NEIL2: variants seen among roughly 807,000 people sequenced by gnomAD.
NEIL2 encodes nei like DNA glycosylase 2.
A neutral mutation model predicts 22.2 loss-of-function variants in NEIL2; 23 were observed. The observed-to-expected ratio is 1.04, with a 90% CI of 0.75 to 1.47. NEIL2 has a LOEUF of 1.47. Ranked by LOEUF, NEIL2 falls within the 40% of genes most tolerant of loss-of-function variation. The pLI is 0.00. For synonymous variants in NEIL2, 229 were observed against 164.8 expected (o/e 1.39, Z -2.99); for missense variants, 583 against 404.7 (o/e 1.44, Z -3.78).
intron 2 of NEIL2, among the ~76,000 whole-genome samples, chr8:11,776,153 C>A (rs1803888474): frequency 2.0e-5 from 3 of 152,300 alleles, no homozygotes; most frequent in South Asian, 4.1e-4. Context: ...TCTGGGGAGT[C>A]CTCATAATCA....
At chr8:11,770,663 C>T (rs2010629) in intron 1 of NEIL2, among the ~76,000 whole-genome samples, 19,422 of 152,166 alleles carry the variant, frequency 0.13, 1,550 homozygotes, top group Middle Eastern at 0.24. Context: ...GGTGGTTAGG[C>T]AGCTGCCCCG....
intron 2 of NEIL2, among the ~76,000 whole-genome samples, chr8:11,775,219 ATCTAGGTGGAGGTTTCCAAACCTCCAT>A (rs1803804865): frequency 6.6e-6 from 1 of 152,216 alleles, no homozygotes. Flanking sequence ...ATCCTCAGAA[ATCTAGGTGGAGGTTTCCAAACCTCCAT>A]TCTTAACTTC....
intron 2 of NEIL2, among the ~76,000 whole-genome samples, chr8:11,775,541 T>G (rs1362113382): frequency 6.6e-6 from 1 of 152,200 alleles, no homozygotes; most frequent in Non-Finnish European, 1.5e-5. Flanking sequence ...TGGTTAGCAT[T>G]TGACTCCTAG....
At chr8:11,779,447 A>G in intron 2 of NEIL2, 151 bp from the exon 3 acceptor site, 1 of 722,940 alleles carries the variant, frequency 1.4e-6, no homozygotes. Flanking sequence ...CCACTGGAGC[A>G]AAAGAGCAAA....
intron 2 of NEIL2, among the ~76,000 whole-genome samples, chr8:11,779,375 T>G (rs8191604): frequency 0.22 from 33,673 of 152,190 alleles, 3,957 homozygotes; most frequent in Middle Eastern, 0.33. Flanking sequence ...TGGGTGTGTT[T>G]CACTGCCAAC....
chr8:11,772,481 C>T (rs1368562964), intron 2 of NEIL2, among the ~76,000 whole-genome samples: 1 of 152,234 alleles, frequency 6.6e-6, no homozygotes, highest in Non-Finnish European at 1.5e-5. Flanking sequence ...CCTGGTCTTC[C>T]AGCTTCCACT....
chr8:11,771,956 G>C (rs183957915), intron 2 of NEIL2, among the ~76,000 whole-genome samples: 44 of 152,262 alleles, frequency 2.9e-4, no homozygotes, highest in African/African-American at 1.1e-3. Context: ...TGTAATCCCA[G>C]CACTTTGGGA....
At chr8:11,777,043 C>T (rs1803962845) in intron 2 of NEIL2, among the ~76,000 whole-genome samples, 1 of 152,194 alleles carries the variant, frequency 6.6e-6, no homozygotes, top group Non-Finnish European at 1.5e-5. Flanking sequence ...TGGGCACACC[C>T]TGTCTCCTCT....
chr8:11,776,481 C>G (rs1007369947), intron 2 of NEIL2, among the ~76,000 whole-genome samples: 16 of 152,220 alleles, frequency 1.1e-4, no homozygotes, highest in African/African-American at 3.9e-4. Context: ...TCTTTGACTT[C>G]TATGGATAAT....
rs1218241536 is a variant in NEIL2, at chr8:11,771,587, T to C, written c.138+2T>C. The C allele has an allele frequency of 6.2e-7, 1 of 1,613,348 alleles. No individual in the cohort carries two copies. The highest frequency in any genetic ancestry group is 1.7e-5 in the Admixed American group (1 of 59,950). ...TCTCTGTGGCTCCAGGACACCCAGG[T>C]GAGGTAATACTCCTCTGAAGGGTTG... On this transcript the variant is annotated splice_donor_variant, in intron 2 of 4. Transcript: ENST00000284503. LOFTEE classifies it high-confidence loss of function.
Position 11,779,715 on chromosome 8 carries a change from C to G in NEIL2, c.256C>G (p.Pro86Ala), listed in dbSNP as rs773624631. 4 of 1,614,128 alleles carry G rather than the reference C, an allele frequency of 2.5e-6. No individual in the cohort carries two copies. Among genetic ancestry groups the G allele is most frequent in the East Asian group, 4.5e-5 (2 of 44,880 alleles). ...KEVQKEGAADPKQVGEPSGQK... is the reference protein window; with the variant it reads ...KEVQKEGAADAKQVGEPSGQK... ...AGTGCAGAAGGAAGGGGCTGCGGAC[C>G]CAAAGCAGGTCGGGGAGCCCAGCGG... Residue 86 changes from proline to alanine, a missense_variant, in exon 3 of 5, where the codon CCA becomes GCA. Physicochemically the swap from Pro to Ala is conservative, Grantham distance 27. Coordinates refer to ENST00000284503, the MANE Select transcript of NEIL2 (RefSeq NM_145043.4).
chr8:11,771,756 G>A (rs947366349), intron 2 of NEIL2, among the ~76,000 whole-genome samples, 171 bp downstream of exon 2: 1 of 152,162 alleles, frequency 6.6e-6, no homozygotes, highest in East Asian at 1.9e-4. Flanking sequence ...AGTAGATATC[G>A]CTGTGGACTG....
intron 2 of NEIL2, among the ~76,000 whole-genome samples, chr8:11,776,581 A>T (rs917327793): frequency 7.2e-5 from 11 of 152,200 alleles, no homozygotes; most frequent in Non-Finnish European, 1.3e-4. Context: ...TTGCTGGACC[A>T]TATAGTATGT....
intron 3 of NEIL2, chr8:11,782,599 A>G (rs903040040): frequency 4.1e-5 from 7 of 169,890 alleles, no homozygotes; most frequent in Non-Finnish European, 9.2e-5. Flanking sequence ...CACGTAATTT[A>G]TTGAATGCTG....
At chr8:11,785,883 C>A (rs1285215642) in intron 4 of NEIL2, 80 bp from the exon 5 acceptor site, 7 of 1,321,726 alleles carry the variant, frequency 5.3e-6, no homozygotes, top group Non-Finnish European at 7.6e-6. Flanking sequence ...GAGCTGATTT[C>A]TGCCTTGTTA....
intron 3 of NEIL2, among the ~76,000 whole-genome samples, chr8:11,782,064 CAAAT>C (rs1324218893): frequency 2.0e-5 from 3 of 151,838 alleles, no homozygotes; most frequent in Non-Finnish European, 4.4e-5. Context: ...ACCCTATTTC[CAAAT>C]AAATAAATAA....
chr8:11,774,423 A>G (rs1420330760), intron 2 of NEIL2, among the ~76,000 whole-genome samples: 3 of 152,134 alleles, frequency 2.0e-5, no homozygotes, highest in African/African-American at 7.2e-5. Flanking sequence ...CTTATTTACT[A>G]TCACGAGAAC....
intron 2 of NEIL2, among the ~76,000 whole-genome samples, chr8:11,775,678 C>T (rs1050016358): frequency 7.2e-5 from 11 of 152,182 alleles, no homozygotes; most frequent in Admixed American, 3.9e-4. Flanking sequence ...AATGCTTTGC[C>T]ACTTAGAAAT....
intron 2 of NEIL2, among the ~76,000 whole-genome samples, 190 bp from the exon 3 acceptor site, chr8:11,779,408 C>T (rs1204057569): frequency 1.3e-5 from 2 of 152,188 alleles, no homozygotes; most frequent in Admixed American, 1.3e-4. Context: ...CTCCCAGTCA[C>T]TTTGAAAACC....
Sources: allele counts gnomAD v4.1 joint callset (sites outside exome capture counted in the v4.1 genomes callset), GRCh38; gene constraint gnomAD v4.1.1; transcripts MANE v1.5; gene names NCBI Gene and HGNC (gene_info 2026-07-23, HGNC 2026-07-21).